PTPRA: variants seen among roughly 807,000 people sequenced by gnomAD.
PTPRA encodes protein tyrosine phosphatase receptor type A, also known as receptor-type tyrosine-protein phosphatase alpha.
In PTPRA, 25 loss-of-function variants were observed where a neutral mutation model predicts 104.8. The ratio of observed to expected loss-of-function variants is 0.24; its 90% CI spans 0.17 to 0.33. The LOEUF (loss-of-function observed/expected upper bound fraction) is 0.33, where lower values mean the gene tolerates loss of function less well. Among genes scored for constraint, PTPRA ranks in the 10% least tolerant of loss-of-function variants. The probability of loss-of-function intolerance (pLI) is 1.00; values close to 1 mark genes in which losing one functional copy is unlikely to be tolerated. For synonymous variants in PTPRA, 323 were observed against 368.9 expected, an observed-to-expected ratio of 0.88 and a Z score of 1.43; for missense variants, 765 against 1,015.3, an observed-to-expected ratio of 0.75 and a Z score of 3.35.
chr20:3,024,327 A>C lies in PTPRA; in HGVS notation c.1465-145A>C, dbSNP rs2065031151. 1.4e-5 allele frequency: 12 copies of C among 871,352 alleles called. No homozygotes were observed. The South Asian group carries it at 2.3e-4, about 17-fold the overall frequency. The allele number at this position is 871,352 out of a possible 1,614,324, so 54.0% of individuals were successfully genotyped here. A position where few individuals can be genotyped will look rare whatever the true frequency, so the allele number is the denominator to read the frequency against. On this transcript the variant is annotated intron_variant, in intron 16 of 23. Transcript: ENST00000399903. ...CTGCATTTCAAGTCCCACTTCACTAAATTGGGATAATAAGAGGGAGTCCTT... is the reference window on the plus strand; with the variant it reads ...CTGCATTTCAAGTCCCACTTCACTACATTGGGATAATAAGAGGGAGTCCTT...
the PTPRA span, chr20:2,864,898 G>A: frequency 6.3e-7 from 1 of 1,586,046 alleles, no homozygotes. This position sits in a 1 kb window ranked among gnomAD's most constrained non-coding sequence, Gnocchi z 5.2. Context: ...CACAGGGATG[G>A]GGGAGAAGAC....
chr20:2,918,266 T>A (rs1240650332), intron 1 of PTPRA, among the ~76,000 whole-genome samples: 1 of 152,082 alleles, frequency 6.6e-6, no homozygotes, highest in African/African-American at 2.4e-5. Context: ...GATCCTGCCT[T>A]AGCCTCTGGA....
At chr20:2,959,433 C>T (rs1296466151) in intron 3 of PTPRA, among the ~76,000 whole-genome samples, 4 of 151,976 alleles carry the variant, frequency 2.6e-5, no homozygotes, top group East Asian at 1.9e-4. Flanking sequence ...CTTAGCTGTT[C>T]GTTTTTCTCG....
intron 22 of PTPRA, among the ~76,000 whole-genome samples, chr20:3,036,487 T>G (rs1306336665): frequency 6.6e-6 from 1 of 152,216 alleles, no homozygotes; most frequent in Non-Finnish European, 1.5e-5. Context: ...CTGAGCACAC[T>G]CCTGCCATGG....
intron 1 of PTPRA, among the ~76,000 whole-genome samples, chr20:2,916,958 T>TC (rs2059923810): frequency 2.0e-5 from 2 of 99,012 alleles, no homozygotes; most frequent in African/African-American, 4.8e-5. Context: ...TTTTTTTATT[T>TC]CTTTTTTTTT....
intron 5 of PTPRA, among the ~76,000 whole-genome samples, chr20:2,966,066 G>A (rs561817721): frequency 1.1e-4 from 17 of 152,064 alleles, no homozygotes; most frequent in Non-Finnish European, 2.1e-4. Flanking sequence ...ATCACATCTC[G>A]CTCATGTGGA....
In PTPRA at chr20:2,939,539, T is replaced by C. The variant is rs572037962; in HGVS notation, c.-49-8443T>C. Among the ~76,000 whole-genome samples the C allele has an allele frequency of 1.4e-3, 214 of 152,322 alleles. 2 individuals are homozygous for C. The highest frequency in any genetic ancestry group is 1.4e-3 in the Non-Finnish European group (95 of 68,024). Reference sequence around the variant, plus strand: ...TTTGCCTGGTCAAAATGTTTTTGTCTGCTGAGCTGCCCCTTTCCCAGTTCT... The same window carrying C: ...TTTGCCTGGTCAAAATGTTTTTGTCCGCTGAGCTGCCCCTTTCCCAGTTCT... On this transcript the variant is annotated intron_variant, in intron 2 of 23. Coordinates refer to ENST00000399903, the MANE Select transcript of PTPRA (RefSeq NM_001385305.1).
At chr20:2,910,191 T>C (rs1160030391) in intron 1 of PTPRA, among the ~76,000 whole-genome samples, 2 of 99,286 alleles carry the variant, frequency 2.0e-5, no homozygotes, top group Admixed American at 2.4e-4. Flanking sequence ...ATATATGATA[T>C]ATGATATATA....
intron 1 of PTPRA, among the ~76,000 whole-genome samples, chr20:2,894,952 A>G (rs1269220760): frequency 2.0e-5 from 3 of 148,370 alleles, no homozygotes; most frequent in Non-Finnish European, 3.0e-5. Flanking sequence ...ACGTCACTGC[A>G]CTCCAGCCTG....
At chr20:2,932,666 T>A (rs575331511) in intron 2 of PTPRA, among the ~76,000 whole-genome samples, 3 of 152,336 alleles carry the variant, frequency 2.0e-5, no homozygotes, top group African/African-American at 7.2e-5. Flanking sequence ...GAGCTTGGGC[T>A]GCTGTGCTAG....
intron 13 of PTPRA, among the ~76,000 whole-genome samples, chr20:3,020,927 CAT>C (rs1325030173): frequency 6.6e-6 from 1 of 152,246 alleles, no homozygotes; most frequent in Non-Finnish European, 1.5e-5. Context: ...GTGGCCCCCT[CAT>C]AGCAGACTGC....
rs1233347801 is a variant in PTPRA, at chr20:2,886,571, A to ACGGTGACTCACACCTGT, written c.-129+12812_-129+12828dup. Among the ~76,000 whole-genome samples the ACGGTGACTCACACCTGT allele has an allele frequency of 2.6e-5, 4 of 152,186 alleles. No homozygotes were observed. The East Asian group carries it at 5.8e-4, about 22-fold the overall frequency. ...TAGAAATAGAAAAATGTGGCCAGGC[A>ACGGTGACTCACACCTGT]CGGTGACTCACACCTGTAATCCCAG... On this transcript the variant is annotated intron_variant, in intron 1 of 23. Coordinates refer to ENST00000399903, the MANE Select transcript of PTPRA (RefSeq NM_001385305.1).
Position 3,035,706 on chromosome 20 carries a change from C to A in PTPRA, c.2042C>A (p.Thr681Asn), listed in dbSNP as rs774530796. The A allele has an allele frequency of 2.5e-6, 4 of 1,614,178 alleles. No homozygotes were observed. Among genetic ancestry groups the A allele is most frequent in the Non-Finnish European group, 3.4e-6 (4 of 1,180,018 alleles). The change falls in exon 21 of 24, where the codon ACC (threonine) becomes AAC (asparagine). Residue 681 changes from threonine (T) to asparagine (N), a missense_variant. By Grantham distance (65) the Thr-to-Asn change is moderately conservative (BLOSUM62 0). Coordinates refer to ENST00000399903, the MANE Select transcript of PTPRA (RefSeq NM_001385305.1). The surrounding 1 kb of genome is among the most constrained non-coding windows in gnomAD (Gnocchi z 5.8). ...YTVRDLLVTN[T>N]RENKSRQIRQ... ...GTCCGAGACCTCCTGGTCACCAACA[C>A]CAGGGTAAGATGGGTCGTGGGTGGA...
intron 9 of PTPRA, among the ~76,000 whole-genome samples, chr20:3,001,173 G>T (rs1376571677): frequency 6.6e-6 from 1 of 152,170 alleles, no homozygotes; most frequent in Non-Finnish European, 1.5e-5. Flanking sequence ...TGTGAGCTAG[G>T]TTTTTCAGAG....
At chr20:2,898,505 C>T (rs182988249) in intron 1 of PTPRA, among the ~76,000 whole-genome samples, 25 of 152,012 alleles carry the variant, frequency 1.6e-4, no homozygotes, top group African/African-American at 2.7e-4. Flanking sequence ...TGAGCCACCA[C>T]GCCTGGTCAT....
At chr20:2,926,608 A>G (rs1174744849) in intron 2 of PTPRA, among the ~76,000 whole-genome samples, 3 of 152,104 alleles carry the variant, frequency 2.0e-5, no homozygotes, top group African/African-American at 7.2e-5. Flanking sequence ...AGGGGACACA[A>G]TTCAGTCTGG....
intron 5 of PTPRA, among the ~76,000 whole-genome samples, chr20:2,971,672 CTTGAG>C (rs1422597198): frequency 2.6e-5 from 4 of 152,258 alleles, no homozygotes; most frequent in East Asian, 3.9e-4. Context: ...GGTACTGACT[CTTGAG>C]TTGAGATAAA....
chr20:2,949,832 T>C (rs1464392919), intron 3 of PTPRA, among the ~76,000 whole-genome samples: 1 of 152,150 alleles, frequency 6.6e-6, no homozygotes, highest in Non-Finnish European at 1.5e-5. Flanking sequence ...ATGCATTTTC[T>C]ACATCAGTTG....
chr20:2,916,348 T>C (rs1600108009), intron 1 of PTPRA, among the ~76,000 whole-genome samples: 1 of 152,158 alleles, frequency 6.6e-6, no homozygotes. Context: ...CAGTCCCAAG[T>C]TAATTTTTAT....
Sources: allele counts gnomAD v4.1 joint callset (sites outside exome capture counted in the v4.1 genomes callset), GRCh38; gene constraint gnomAD v4.1.1; non-coding constraint Gnocchi (gnomAD v3.1); transcripts MANE v1.5; gene names NCBI Gene and HGNC (gene_info 2026-07-23, HGNC 2026-07-21).